Variants in BLTP2 observed in about 807,000 individuals in gnomAD.
The protein encoded by BLTP2 is U937-associated antigen.
the BLTP2 span, chr17:28,637,986 A>G: frequency 6.2e-7 from 1 of 1,614,248 alleles, no homozygotes; most frequent in Non-Finnish European, 8.5e-7. Flanking sequence ...CGAGACAGAC[A>G]TTGGGCACAG....
the BLTP2 span, chr17:28,640,112 T>C: frequency 6.7e-7 from 1 of 1,487,792 alleles, no homozygotes; most frequent in Non-Finnish European, 9.0e-7. Flanking sequence ...AATTATTTTT[T>C]GGCCAGGCGC....
the BLTP2 span, chr17:28,632,147 A>G: frequency 1.7e-5 from 27 of 1,614,186 alleles, no homozygotes; most frequent in South Asian, 2.9e-4. Flanking sequence ...TTTCCCCTGC[A>G]GATAGGCCTT....
the BLTP2 span, chr17:28,635,614 A>C: frequency 1.9e-6 from 3 of 1,600,672 alleles, no homozygotes; most frequent in African/African-American, 4.0e-5. Flanking sequence ...CTGAACCTTT[A>C]GGGAGCAGAA....
At chr17:28,635,516 G>A in the BLTP2 span, 1 of 1,614,066 alleles carries the variant, frequency 6.2e-7, no homozygotes, top group Non-Finnish European at 8.5e-7. Context: ...GCTCTTAGTA[G>A]GTCTCGGCAC....
chr17:28,618,510 G>A, the BLTP2 span, among the ~76,000 whole-genome samples: 6 of 152,116 alleles, frequency 3.9e-5, no homozygotes, highest in South Asian at 2.1e-4. Flanking sequence ...ACCACTACAC[G>A]TGGCCTGTAT....
chr17:28,634,745 G>A, the BLTP2 span: 1 of 1,614,112 alleles, frequency 6.2e-7, no homozygotes, highest in Non-Finnish European at 8.5e-7. Flanking sequence ...CGGGAACGCT[G>A]GATGTAGATT....
the BLTP2 span, chr17:28,644,894 G>T: frequency 9.4e-7 from 1 of 1,066,622 alleles, no homozygotes; most frequent in Non-Finnish European, 1.4e-6. Flanking sequence ...ACGCGCCTCA[G>T]TAAGGCGCGC....
At chr17:28,639,887 C>A in the BLTP2 span, 1 of 1,614,036 alleles carries the variant, frequency 6.2e-7, no homozygotes, top group Non-Finnish European at 8.5e-7. Flanking sequence ...GTACCAGTAC[C>A]CCGACCCATG....
the BLTP2 span, chr17:28,638,129 T>A: frequency 1.9e-6 from 3 of 1,607,656 alleles, no homozygotes; most frequent in Non-Finnish European, 2.6e-6. Context: ...ATTAGAAGTA[T>A]GCAGGCGCAC....
the BLTP2 span, chr17:28,637,873 G>A: frequency 6.2e-7 from 1 of 1,614,066 alleles, no homozygotes; most frequent in Non-Finnish European, 8.5e-7. Context: ...TCATGTCTTC[G>A]ACCTTCAAGT....
the BLTP2 span, chr17:28,641,995 G>A: frequency 6.2e-7 from 1 of 1,614,152 alleles, no homozygotes; most frequent in South Asian, 1.1e-5. Context: ...CATCCACAGT[G>A]ATAGCAGTGA....
the BLTP2 span, among the ~76,000 whole-genome samples, chr17:28,625,285 G>A: frequency 6.5e-5 from 8 of 123,736 alleles, no homozygotes; most frequent in African/African-American, 2.6e-4. Flanking sequence ...GCAGTGAGCC[G>A]AGATTGCACC....
At chr17:28,638,601 G>A in the BLTP2 span, 117 of 1,613,722 alleles carry the variant, frequency 7.3e-5, no homozygotes, top group African/African-American at 1.5e-3. Flanking sequence ...ATTGGAGATG[G>A]AGGTGCTAAA....
chr17:28,624,239 G>A, the BLTP2 span: 2 of 1,613,862 alleles, frequency 1.2e-6, no homozygotes, highest in Non-Finnish European at 1.7e-6. Context: ...GTACCTGACA[G>A]TTGACCAATT....
the BLTP2 span, chr17:28,639,204 T>C: frequency 1.9e-6 from 2 of 1,049,290 alleles, no homozygotes; most frequent in Non-Finnish European, 3.0e-6. Context: ...AGACTCGGAT[T>C]TGAGGAGGTC....
At chr17:28,639,692 G>A in the BLTP2 span, 2 of 1,553,740 alleles carry the variant, frequency 1.3e-6, no homozygotes, top group Non-Finnish European at 1.8e-6. Flanking sequence ...AAGGGCAAGA[G>A]GTAAAACTGG....
chr17:28,626,045 G>A, the BLTP2 span, among the ~76,000 whole-genome samples: 1 of 152,188 alleles, frequency 6.6e-6, no homozygotes, highest in Non-Finnish European at 1.5e-5. Context: ...CTACGGGCGT[G>A]AGCCACCATG....
At chr17:28,643,595 A>C in the BLTP2 span, 3 of 1,611,152 alleles carry the variant, frequency 1.9e-6, no homozygotes, top group Non-Finnish European at 2.5e-6. Flanking sequence ...AGAAGTGAGA[A>C]TATAGGGTAC....
the BLTP2 span, chr17:28,635,009 A>G: frequency 1.9e-6 from 3 of 1,613,262 alleles, no homozygotes; most frequent in Non-Finnish European, 2.5e-6. Flanking sequence ...GGGCTTGGAG[A>G]GGCCCAAGCA....
Sources: gnomAD v4.1 joint callset for allele counts (sites outside exome capture counted in the v4.1 genomes callset) on GRCh38, gnomAD v4.1.1 for gene constraint, MANE v1.5 for transcripts, NCBI Gene and HGNC (gene_info 2026-07-23, HGNC 2026-07-21) for gene names.